CNTNAP4: variants seen among roughly 807,000 people sequenced by gnomAD.
The protein encoded by CNTNAP4 is contactin associated protein family member 4, also known as contactin-associated protein-like 4.
A neutral mutation model predicts 148.4 loss-of-function variants in CNTNAP4; 98 were observed. The observed-to-expected ratio is 0.66, with a 90% CI of 0.56 to 0.78. The LOEUF (loss-of-function observed/expected upper bound fraction) is 0.78. Among genes scored for constraint, CNTNAP4 ranks in the 30% least tolerant of loss-of-function variants. The pLI is 0.00. For synonymous variants in CNTNAP4, 730 were observed against 565.1 expected (o/e 1.29, Z -4.14); for missense variants, 1,935 against 1,565.6 (o/e 1.24, Z -3.98).
Position 76,558,712 on chromosome 16 carries a change from T to C in CNTNAP4, c.*29T>C. On this transcript the variant is annotated 3_prime_UTR_variant, in exon 24 of 24. Transcript: ENST00000611870. ...GCAGCTATGATTTAACATAAAATTATGATAGTTTGTTTTAATAGCCAGGGG... is the reference window on the plus strand; with the variant it reads ...GCAGCTATGATTTAACATAAAATTACGATAGTTTGTTTTAATAGCCAGGGG... 6.5e-7 allele frequency: 1 copy of C among 1,542,924 alleles called. No individual in the cohort carries two copies. The highest frequency in any genetic ancestry group is 8.8e-7 in the Non-Finnish European group (1 of 1,131,270).
intron 8 of CNTNAP4, among the ~76,000 whole-genome samples, chr16:76,457,921 T>C (rs1025432581): frequency 2.0e-5 from 3 of 152,102 alleles, no homozygotes; most frequent in Non-Finnish European, 4.4e-5. Flanking sequence ...TGGTACCTGA[T>C]AGGTAGTTTT....
chr16:76,286,551 G>A (rs376378514), intron 1 of CNTNAP4, among the ~76,000 whole-genome samples: 18 of 152,190 alleles, frequency 1.2e-4, no homozygotes, highest in East Asian at 9.7e-4. Flanking sequence ...TTCTCCCACC[G>A]TGGGTGCTAG....
rs139822869 is a variant in CNTNAP4 at position 76,558,380 on chromosome 16, G to C, written c.3734-110G>C. On this transcript the variant is annotated intron_variant, in intron 23 of 23. Transcript: ENST00000611870. ...TTTTTATATTTCCAATTTATATGTA[G>C]TAGATGCTTAAAGTGGAAAATAGTG... 8.3e-6 allele frequency: 5 copies of C among 601,698 alleles called. No homozygotes were observed. The South Asian group carries it at 1.0e-4, about 12-fold the overall frequency. 37.3% of individuals were successfully genotyped at this position (601,698 alleles called of 1,614,324 possible).
chr16:76,482,344 CCT>C (rs1425456722), intron 12 of CNTNAP4, among the ~76,000 whole-genome samples: 1 of 151,648 alleles, frequency 6.6e-6, no homozygotes, highest in Non-Finnish European at 1.5e-5. Flanking sequence ...CAGTTTTTGC[CCT>C]GAGTAATTGA....
chr16:76,479,860 A>G (rs1466453286), intron 12 of CNTNAP4, among the ~76,000 whole-genome samples: 3 of 152,200 alleles, frequency 2.0e-5, no homozygotes, highest in Non-Finnish European at 4.4e-5. Flanking sequence ...TTTTAAATGT[A>G]TGTAAACATA....
At chr16:76,415,454 T>C (rs913748298) in intron 3 of CNTNAP4, among the ~76,000 whole-genome samples, 1 of 151,070 alleles carries the variant, frequency 6.6e-6, no homozygotes, top group African/African-American at 2.4e-5. Flanking sequence ...TGTAAAAATA[T>C]CTTTTTAGAA....
At chr16:76,295,646 G>A (rs542176230) in intron 1 of CNTNAP4, among the ~76,000 whole-genome samples, 5 of 152,168 alleles carry the variant, frequency 3.3e-5, no homozygotes, top group Non-Finnish European at 5.9e-5. Flanking sequence ...ACATGAGCAC[G>A]TAGGACTGAC....
intron 9 of CNTNAP4, 24 bp from the exon 10 acceptor site, chr16:76,467,328 C>G: frequency 1.2e-6 from 2 of 1,609,662 alleles, no homozygotes; most frequent in Non-Finnish European, 1.7e-6. Flanking sequence ...GTGATGCGTA[C>G]TGGATTTATT....
intron 10 of CNTNAP4, among the ~76,000 whole-genome samples, chr16:76,473,008 G>C (rs892736200): frequency 1.6e-4 from 25 of 152,196 alleles, no homozygotes; most frequent in African/African-American, 6.0e-4. Flanking sequence ...GGGGGCAGAG[G>C]GGGGAAGCCT....
chr16:76,355,938 G>T (rs943361838), intron 3 of CNTNAP4, among the ~76,000 whole-genome samples: 3 of 151,374 alleles, frequency 2.0e-5, no homozygotes, highest in African/African-American at 7.3e-5. Flanking sequence ...GCAGTGGCGC[G>T]ATCTTGGCTC....
chr16:76,502,316 C>T (rs947481414), intron 15 of CNTNAP4, among the ~76,000 whole-genome samples: 1 of 151,248 alleles, frequency 6.6e-6, no homozygotes, highest in Non-Finnish European at 1.5e-5. Context: ...ACAGCGAATA[C>T]TCCTTTTTTC....
intron 2 of CNTNAP4, among the ~76,000 whole-genome samples, chr16:76,332,295 C>T (rs899513168): frequency 6.6e-6 from 1 of 152,116 alleles, no homozygotes; most frequent in Non-Finnish European, 1.5e-5. Context: ...GGATGTCATT[C>T]TGTTGCCCAG....
intron 1 of CNTNAP4, among the ~76,000 whole-genome samples, chr16:76,278,657 A>T (rs1021354183): frequency 6.6e-6 from 1 of 152,068 alleles, no homozygotes; most frequent in Non-Finnish European, 1.5e-5. Flanking sequence ...ACAACTTTTT[A>T]TTTTTTCTTG....
intron 9 of CNTNAP4, 40 bp downstream of exon 9, chr16:76,462,145 A>G (rs773543218): frequency 1.9e-6 from 3 of 1,562,770 alleles, no homozygotes; most frequent in South Asian, 2.3e-5. Flanking sequence ...ACTGAACCAT[A>G]TTTGCATTAG....
chr16:76,305,661 C>G (rs963508856), intron 1 of CNTNAP4, among the ~76,000 whole-genome samples: 1 of 152,136 alleles, frequency 6.6e-6, no homozygotes, highest in African/African-American at 2.4e-5. Flanking sequence ...GGCAGTCTGG[C>G]AAGACCCATC....
At chr16:76,298,486 A>ATGTGTGTGTGTG (rs3975398) in intron 1 of CNTNAP4, among the ~76,000 whole-genome samples, 3 of 129,392 alleles carry the variant, frequency 2.3e-5, no homozygotes, top group Admixed American at 7.6e-5. Flanking sequence ...GTGTACATGT[A>ATGTGTGTGTGTG]TGTGTGTGTG....
At chr16:76,430,667 C>T (rs959718255) in intron 4 of CNTNAP4, among the ~76,000 whole-genome samples, 1 of 152,200 alleles carries the variant, frequency 6.6e-6, no homozygotes, top group African/African-American at 2.4e-5. Flanking sequence ...ACTGGCCATC[C>T]TCCCCTGTCT....
At chr16:76,493,753 A>G (rs12449248) in intron 13 of CNTNAP4, among the ~76,000 whole-genome samples, 127,472 of 152,148 alleles carry the variant, frequency 0.84, 54,313 homozygotes, top group East Asian at 0.97. Flanking sequence ...ATATTAATGC[A>G]TTTATGCATA....
intron 2 of CNTNAP4, among the ~76,000 whole-genome samples, chr16:76,319,182 G>C (rs1597177483): frequency 6.6e-6 from 1 of 152,082 alleles, no homozygotes; most frequent in East Asian, 1.9e-4. Context: ...TTGAGCTCAG[G>C]AGTTTGAGAT....
Sources: allele counts gnomAD v4.1 joint callset (sites outside exome capture counted in the v4.1 genomes callset), GRCh38; gene constraint gnomAD v4.1.1; transcripts MANE v1.5; gene names NCBI Gene and HGNC (gene_info 2026-07-23, HGNC 2026-07-21).